Variants in CCDC33 observed in about 807,000 individuals in gnomAD.
CCDC33 encodes coiled-coil domain containing 33.
Under a neutral mutation model 91.9 loss-of-function variants are expected in CCDC33, and 94 were observed. The observed-to-expected ratio is 1.02, with a 90% CI of 0.87 to 1.21. The LOEUF (loss-of-function observed/expected upper bound fraction) is 1.21. Ranked by LOEUF, CCDC33 falls within the 50% of genes most tolerant of loss-of-function variation. The probability of loss-of-function intolerance (pLI) is 0.00; values close to 1 mark genes in which losing one functional copy is unlikely to be tolerated. For synonymous variants in CCDC33, 396 were observed against 374.5 expected, an observed-to-expected ratio of 1.06 and a Z score of -0.66; for missense variants, 940 against 935.5, an observed-to-expected ratio of 1.00 and a Z score of -0.06.
chr15:74,326,223 G>C (rs2060307460), intron 11 of CCDC33, among the ~76,000 whole-genome samples: 1 of 152,234 alleles, frequency 6.6e-6, no homozygotes, highest in African/African-American at 2.4e-5. Flanking sequence ...TACTTGGGAG[G>C]CTGAGTCAGG....
intron 5 of CCDC33, 151 bp from the exon 6 acceptor site, chr15:74,271,552 A>C (rs1427870936): frequency 1.7e-6 from 1 of 601,984 alleles, no homozygotes; most frequent in Non-Finnish European, 3.0e-6. Context: ...AGAACCGAGT[A>C]AGGCAGGGAA....
At chr15:74,215,686 C>T (rs2074422986), upstream of CCDC33, among the ~76,000 whole-genome samples, 1 of 151,974 alleles carries the variant, frequency 6.6e-6, no homozygotes, top group Admixed American at 6.6e-5. Context: ...GCCAACAGAG[C>T]CACCTCAGAT....
At chr15:74,227,670 C>A (rs1353454094) in intron 2 of CCDC33, among the ~76,000 whole-genome samples, 1 of 152,178 alleles carries the variant, frequency 6.6e-6, no homozygotes, top group African/African-American at 2.4e-5. Flanking sequence ...ATAATTAAGG[C>A]CTTTCCACCC....
In CCDC33 at chr15:74,305,270, C is replaced by T. The variant is rs1046376962; in HGVS notation, c.1290+9322C>T. ...CCTAAACCTGCTTCTGAGGACTATG[C>T]AAGCTTAAATCTACACTTCTAAGGG... On this transcript the variant is annotated intron_variant, in intron 11 of 18. Coordinates refer to ENST00000398814, the MANE Select transcript of CCDC33 (RefSeq NM_025055.5). Among the ~76,000 whole-genome samples the T allele has an allele frequency of 7.9e-5, 12 of 152,106 alleles. 1 individual carries two copies. In the East Asian group the frequency reaches 1.4e-3, roughly 17 times the overall value.
intron 2 of CCDC33, among the ~76,000 whole-genome samples, chr15:74,248,973 T>G (rs1195118928): frequency 6.6e-6 from 1 of 152,074 alleles, no homozygotes; most frequent in Non-Finnish European, 1.5e-5. Flanking sequence ...CAAGACAAAG[T>G]GCCTTAAATC....
intron 11 of CCDC33, among the ~76,000 whole-genome samples, chr15:74,297,986 G>A (rs1300213235): frequency 1.3e-5 from 2 of 152,200 alleles, no homozygotes; most frequent in African/African-American, 2.4e-5. Flanking sequence ...GGCTGGACAA[G>A]CCTCTCACAT....
At chr15:74,330,465 C>A in intron 12 of CCDC33, 111 bp downstream of exon 12, 2 of 1,303,362 alleles carry the variant, frequency 1.5e-6, no homozygotes, top group East Asian at 2.5e-5. Context: ...CTGCTGGACT[C>A]TGGCAAATAG....
intron 15 of CCDC33, among the ~76,000 whole-genome samples, chr15:74,332,136 T>TA (rs1475213846): frequency 6.6e-6 from 1 of 152,162 alleles, no homozygotes; most frequent in African/African-American, 2.4e-5. Flanking sequence ...AAGGACCAGG[T>TA]AACACCATAT....
chr15:74,273,673 C>T (rs1421598068), intron 7 of CCDC33, among the ~76,000 whole-genome samples: 2 of 150,286 alleles, frequency 1.3e-5, no homozygotes, highest in East Asian at 2.0e-4. Flanking sequence ...TTCACCATGT[C>T]GGCCAGGCTG....
intron 3 of CCDC33, among the ~76,000 whole-genome samples, chr15:74,263,429 G>A (rs542869757): frequency 6.6e-6 from 1 of 152,318 alleles, no homozygotes; most frequent in African/African-American, 2.4e-5. Flanking sequence ...AATCTTGCCA[G>A]GACCTAGACA....
At chr15:74,224,009 C>G (rs2074703730) in intron 2 of CCDC33, among the ~76,000 whole-genome samples, 1 of 152,136 alleles carries the variant, frequency 6.6e-6, no homozygotes, top group Non-Finnish European at 1.5e-5. Context: ...CAGCTGAGCC[C>G]CGTTAAAAGC....
intron 10 of CCDC33, among the ~76,000 whole-genome samples, chr15:74,290,986 A>G (rs2059573723): frequency 6.6e-6 from 1 of 152,240 alleles, no homozygotes; most frequent in South Asian, 2.1e-4. Flanking sequence ...TAAAATCCCC[A>G]ACAGAATTTT....
At chr15:74,318,729 G>A in intron 11 of CCDC33, 1 of 704,984 alleles carries the variant, frequency 1.4e-6, no homozygotes, top group South Asian at 1.5e-5. Context: ...GTGTTGGGGT[G>A]TGTTGCCCAG....
chr15:74,278,745 G>T (rs146326279), intron 7 of CCDC33, among the ~76,000 whole-genome samples: 1 of 152,224 alleles, frequency 6.6e-6, no homozygotes, highest in Non-Finnish European at 1.5e-5. Context: ...TTCCTTTAAG[G>T]AGGCTTTTCT....
At chr15:74,228,788 G>A (rs977936835) in intron 2 of CCDC33, among the ~76,000 whole-genome samples, 1 of 152,232 alleles carries the variant, frequency 6.6e-6, no homozygotes, top group South Asian at 2.1e-4. Context: ...CTCTCTTCCA[G>A]GAGACAGGCA....
In CCDC33 at chr15:74,335,287, A is replaced by G. The variant is rs1019744363; in HGVS notation, c.2139+199A>G. The G allele has an allele frequency of 7.9e-5, 51 of 643,454 alleles. 3 individuals are homozygous for G. Among genetic ancestry groups the G allele is most frequent in the South Asian group, 7.7e-4 (43 of 55,696 alleles). The allele number at this position is 643,454 out of a possible 1,614,324, so 39.9% of individuals were successfully genotyped here. On this transcript the variant is annotated intron_variant, in intron 18 of 18. Coordinates refer to ENST00000398814, the MANE Select transcript of CCDC33 (RefSeq NM_025055.5). The stretch of plus-strand genomic sequence containing the variant: ...TAATTCCCCCACCTGTCTAAGGGGA[A>G]CAGAAAACCCCTGCCAAAACTACCC...
chr15:74,281,905 C>T (rs1226050127), intron 10 of CCDC33, 56 bp downstream of exon 10: 5 of 1,462,334 alleles, frequency 3.4e-6, no homozygotes. Context: ...CAGTGAGATC[C>T]AACTTCCTTC....
chr15:74,241,610 G>A (rs2075351051), intron 1 of CCDC33, among the ~76,000 whole-genome samples: 1 of 152,238 alleles, frequency 6.6e-6, no homozygotes, highest in African/African-American at 2.4e-5. Flanking sequence ...GTTCTGAGCA[G>A]AGGAGAGAGA....
At chr15:74,246,863 C>T (rs186211481) in intron 2 of CCDC33, among the ~76,000 whole-genome samples, 120 of 152,254 alleles carry the variant, frequency 7.9e-4, no homozygotes, top group African/African-American at 2.8e-3. Context: ...GAAAAGATAT[C>T]GGGCCGGGCG....
Sources: allele counts gnomAD v4.1 joint callset (sites outside exome capture counted in the v4.1 genomes callset), GRCh38; gene constraint gnomAD v4.1.1; transcripts MANE v1.5; gene names NCBI Gene and HGNC (gene_info 2026-07-23, HGNC 2026-07-21).